Variants in CTNNAL1 observed in about 807,000 individuals in gnomAD.
CTNNAL1 encodes the protein catenin alpha like 1, also known as alpha-catulin.
A neutral mutation model predicts 93.6 loss-of-function variants in CTNNAL1; 69 were observed. That is an observed-to-expected ratio of 0.74 (90% CI 0.61 to 0.90). CTNNAL1 has a LOEUF of 0.90. Among genes scored for constraint, CTNNAL1 ranks in the 40% least tolerant of loss-of-function variants. The pLI is 0.00. For missense variants in CTNNAL1, 836 were observed against 862.0 expected (o/e 0.97, Z 0.38); for synonymous variants, 286 against 305.4 (o/e 0.94, Z 0.66).
In CTNNAL1 at chr9:108,992,838, G is replaced by A. The variant is rs1831864878; in HGVS notation, c.332-19C>T. ...GTTTCTCCTAACAAGAAAGACGAGG[G>A]GAGAAAGTTAAACAGGCATACAAAT... is the stretch of plus-strand genomic sequence containing the variant. On this transcript the variant is annotated intron_variant, in intron 2 of 18. Coordinates refer to ENST00000325551, the MANE Select transcript of CTNNAL1 (RefSeq NM_003798.4). 9.4e-6 allele frequency: 15 copies of A among 1,595,000 alleles called. No individual in the cohort carries two copies. The highest frequency in any genetic ancestry group is 1.2e-5 in the Non-Finnish European group (14 of 1,171,644).
At chr9:108,957,197 T>G (rs1341121097) in intron 11 of CTNNAL1, among the ~76,000 whole-genome samples, 1 of 151,106 alleles carries the variant, frequency 6.6e-6, no homozygotes, top group African/African-American at 2.4e-5. Flanking sequence ...ACAGGCTTAC[T>G]GCAGCCTCAA....
chr9:108,951,709 T>A (rs896756659), intron 14 of CTNNAL1, among the ~76,000 whole-genome samples: 1 of 152,156 alleles, frequency 6.6e-6, no homozygotes, highest in Non-Finnish European at 1.5e-5. Flanking sequence ...TGTAATATGA[T>A]CAAGACAGAG....
At chr9:109,012,787 C>CA (rs1827245877) in intron 1 of CTNNAL1, among the ~76,000 whole-genome samples, 1 of 152,124 alleles carries the variant, frequency 6.6e-6, no homozygotes, top group Non-Finnish European at 1.5e-5. Context: ...CGGGGAGGGA[C>CA]AAAGGATCAG....
At chr9:108,975,756 G>GTGACTA (rs2132138277) in intron 8 of CTNNAL1, among the ~76,000 whole-genome samples, 1 of 152,294 alleles carries the variant, frequency 6.6e-6, no homozygotes, top group African/African-American at 2.4e-5. Flanking sequence ...AGGCCCTATT[G>GTGACTA]TGACTATCCA....
chr9:108,960,299 C>A (rs1339827182), intron 11 of CTNNAL1, among the ~76,000 whole-genome samples: 1 of 152,072 alleles, frequency 6.6e-6, no homozygotes, highest in Non-Finnish European at 1.5e-5. Context: ...TTTTTAAATT[C>A]TTCTTAGTCC....
Position 108,960,337 on chromosome 9 carries a change from C to G in CTNNAL1, c.1592-4510G>C, listed in dbSNP as rs1191570019. 3.3e-5 allele frequency among the ~76,000 whole-genome samples: 5 copies of G among 152,190 alleles called. No homozygotes were observed. In the East Asian group the frequency reaches 7.7e-4, roughly 24 times the overall value. ...TTATCTTCATCTTGACTATCATCAC[C>G]CTAGTATAGACCATCGTCTCTTCTC... On this transcript the variant is annotated intron_variant, in intron 11 of 18. Transcript: ENST00000325551.
intron 15 of CTNNAL1, among the ~76,000 whole-genome samples, chr9:108,945,643 G>GT (rs1319557755): frequency 7.4e-4 from 89 of 120,756 alleles, no homozygotes; most frequent in African/African-American, 2.2e-3. Context: ...TTTTTTTTTT[G>GT]TTTTGTTTTT....
At chr9:108,972,856 G>A in intron 8 of CTNNAL1, 23 bp from the exon 9 acceptor site, 1 of 576,866 alleles carries the variant, frequency 1.7e-6, no homozygotes, top group African/African-American at 2.0e-5. Context: ...GTGTGGGTGG[G>A]GGGGTGGGAG....
intron 4 of CTNNAL1, among the ~76,000 whole-genome samples, chr9:108,988,445 T>A (rs1831681774): frequency 6.6e-6 from 1 of 152,162 alleles, no homozygotes; most frequent in Admixed American, 6.5e-5. Flanking sequence ...TAGATTACTG[T>A]AATAGCCTCT....
intron 14 of CTNNAL1, 135 bp downstream of exon 14, chr9:108,952,074 A>G: frequency 1.5e-6 from 1 of 676,884 alleles, no homozygotes; most frequent in Admixed American, 3.4e-5. Flanking sequence ...GTAAATTGTC[A>G]TAGTAACTAC....
At chr9:108,996,879 G>A (rs988748627) in intron 2 of CTNNAL1, among the ~76,000 whole-genome samples, 36 of 151,934 alleles carry the variant, frequency 2.4e-4, no homozygotes, top group African/African-American at 8.2e-4. Flanking sequence ...CTTACAAGCT[G>A]GTTTGCTTCC....
chr9:108,998,281 C>A (rs1441448485), intron 2 of CTNNAL1, among the ~76,000 whole-genome samples: 1 of 152,118 alleles, frequency 6.6e-6, no homozygotes, highest in Non-Finnish European at 1.5e-5. Flanking sequence ...ACAGGTCAAC[C>A]TCCCACAACA....
chr9:108,972,864 G>GGGGGGGGGGCCCCCCC, intron 8 of CTNNAL1, 31 bp from the exon 9 acceptor site: 68 of 142,124 alleles, frequency 4.8e-4, no homozygotes, highest in Non-Finnish European at 6.0e-4. Context: ...GGGGGGGTGG[G>GGGGGGGGGGCCCCCCC]AGGGTGGAGA....
intron 2 of CTNNAL1, 113 bp from the exon 3 acceptor site, chr9:108,992,932 A>C (rs1831869423): frequency 8.6e-7 from 1 of 1,160,410 alleles, no homozygotes; most frequent in Non-Finnish European, 1.2e-6. Context: ...TTGGAGTCTT[A>C]CTTCAGGAAC....
intron 3 of CTNNAL1, chr9:108,992,187 T>C: frequency 1.7e-6 from 1 of 599,140 alleles, no homozygotes; most frequent in Non-Finnish European, 3.0e-6. Context: ...ATTTAAAGCT[T>C]TTACCAATAA....
chr9:108,999,926 T>C (rs533991186), intron 1 of CTNNAL1, among the ~76,000 whole-genome samples: 1 of 152,306 alleles, frequency 6.6e-6, no homozygotes, highest in African/African-American at 2.4e-5. Flanking sequence ...AGGGAACTAG[T>C]ACATGAACTA....
intron 10 of CTNNAL1, among the ~76,000 whole-genome samples, chr9:108,967,256 A>G (rs1830980365): frequency 6.6e-6 from 1 of 152,338 alleles, no homozygotes; most frequent in East Asian, 1.9e-4. Flanking sequence ...AACTATAAAC[A>G]AGCACACAAT....
At chr9:108,950,736 T>C in intron 14 of CTNNAL1, 3 of 1,081,810 alleles carry the variant, frequency 2.8e-6, no homozygotes, top group Non-Finnish European at 3.9e-6. Context: ...ATTGAACACA[T>C]TAACCCTTTC....
Position 108,983,328 on chromosome 9 carries a change from T to C in CTNNAL1, c.730-13A>G, listed in dbSNP as rs749701056. 1 of 1,467,500 alleles carries C rather than the reference T, an allele frequency of 6.8e-7. No homozygotes were observed. Among genetic ancestry groups the C allele is most frequent in the African/African-American group, 1.5e-5 (1 of 68,638 alleles). 90.9% of individuals were successfully genotyped at this position (1,467,500 alleles called of 1,614,324 possible). On this transcript the variant is annotated splice_polypyrimidine_tract_variant and intron_variant, in intron 5 of 18. Coordinates refer to ENST00000325551, the MANE Select transcript of CTNNAL1 (RefSeq NM_003798.4). ...GCCTCAGACATGTCTTCAAAACAAT[T>C]GAAAATTTTTATTTTAATATTTGAT...
Sources: gnomAD v4.1 joint callset for allele counts (sites outside exome capture counted in the v4.1 genomes callset) on GRCh38, gnomAD v4.1.1 for gene constraint, MANE v1.5 for transcripts, NCBI Gene and HGNC (gene_info 2026-07-23, HGNC 2026-07-21) for gene names.